The following CSMD3 variants were observed in gnomAD, a reference collection of about 807,000 sequenced individuals.
The protein encoded by CSMD3 is CUB and Sushi multiple domains 3, also known as CUB and sushi domain-containing protein 3.
CSMD3 carries 177 observed loss-of-function variants against 435.2 expected under a neutral mutation model. That is an observed-to-expected ratio of 0.41 (90% CI 0.36 to 0.46). The LOEUF is 0.46. CSMD3 is among the 20% of genes least tolerant of loss of function. The pLI is 0.34. For missense variants in CSMD3, 4,265 were observed against 4,504.6 expected, an observed-to-expected ratio of 0.95 and a Z score of 1.52; for synonymous variants, 1,656 against 1,520.5, an observed-to-expected ratio of 1.09 and a Z score of -2.07.
In CSMD3 at chr8:112,963,085, A is replaced by C. The variant is rs75516893; in HGVS notation, c.1343-8324T>G. ...CAGCAGGCGGATGAAGGGAGGGAGGAAAGTAAGACCAGAATTTTTATTCCA... is the reference window on the plus strand; with the variant it reads ...CAGCAGGCGGATGAAGGGAGGGAGGCAAGTAAGACCAGAATTTTTATTCCA... On this transcript the variant is annotated intron_variant, in intron 7 of 70. Coordinates refer to ENST00000297405, the MANE Select transcript of CSMD3 (RefSeq NM_198123.2). 1.8e-4 allele frequency among the ~76,000 whole-genome samples: 27 copies of C among 152,054 alleles called. No individual in the cohort carries two copies. In the East Asian group the frequency reaches 5.2e-3, roughly 29 times the overall value.
rs78427053 is a variant in CSMD3 at position 112,938,905 on chromosome 8, G to T, written c.1508+8885C>A. ...TTACTGCTAAGTATAGGAACTTCTG[G>T]TATGTGAGTTTACTCATTAGTAAAA... On this transcript the variant is annotated intron_variant, in intron 9 of 70. Transcript: ENST00000297405. Among the ~76,000 whole-genome samples the T allele has an allele frequency of 1.7e-3, 266 of 152,118 alleles. 1 individual carries two copies. Among genetic ancestry groups the T allele is most frequent in the African/African-American group, 6.2e-3 (256 of 41,512 alleles).
chr8:113,089,464 A>C lies in CSMD3; in HGVS notation c.917+9292T>G, dbSNP rs191203476. ...ATATTATCTAAGACATAGAGTTAAC[A>C]ATACATTGAATAATGACACGTCATC... On this transcript the variant is annotated intron_variant, in intron 5 of 70. Transcript: ENST00000297405. Among the ~76,000 whole-genome samples, 3 of 152,310 alleles carry C rather than the reference A, an allele frequency of 2.0e-5. No homozygotes were observed. The East Asian group carries it at 5.8e-4, about 29-fold the overall frequency.
In CSMD3 at chr8:112,858,139, G is replaced by C. The variant is rs187211363; in HGVS notation, c.1755+1006C>G. ...ATTAGGTTTCAAGAACTTGATAAGT[G>C]ATCACAAAAATTCCCGGGAGGCAAT... is the stretch of plus-strand genomic sequence containing the variant. On this transcript the variant is annotated intron_variant, in intron 11 of 70. Transcript: ENST00000297405. Among the ~76,000 whole-genome samples the C allele has an allele frequency of 9.9e-5, 15 of 151,674 alleles. No individual in the cohort carries two copies. In the East Asian group the frequency reaches 1.6e-3, roughly 16 times the overall value.
chr8:113,055,496 A>G (rs1347353187), intron 5 of CSMD3, among the ~76,000 whole-genome samples: 1 of 152,160 alleles, frequency 6.6e-6, no homozygotes, highest in Non-Finnish European at 1.5e-5. Flanking sequence ...TACCCAAGTG[A>G]TCTCAACAAG....
intron 27 of CSMD3, among the ~76,000 whole-genome samples, chr8:112,525,071 C>A (rs1192327080): frequency 6.6e-6 from 1 of 151,710 alleles, no homozygotes; most frequent in Non-Finnish European, 1.5e-5. Flanking sequence ...AAAATTTCCT[C>A]TTTGTAAGTG....
chr8:112,331,754 G>A (rs1164382676), intron 45 of CSMD3, among the ~76,000 whole-genome samples: 3 of 151,898 alleles, frequency 2.0e-5, no homozygotes, highest in African/African-American at 7.2e-5. Flanking sequence ...AAGTCTAAGA[G>A]GATATAAAGA....
At chr8:112,374,741 A>C (rs544449235) in intron 38 of CSMD3, among the ~76,000 whole-genome samples, 10 of 152,312 alleles carry the variant, frequency 6.6e-5, no homozygotes, top group African/African-American at 2.4e-4. Flanking sequence ...TGCTTTAAAA[A>C]GTTGCTGATT....
rs751253012 is a variant in CSMD3 at position 113,348,489 on chromosome 8, T to C, written c.179-33696A>G. ...TTCCAAATGCAAAGATGCCTCTCTTTACTAGGAAACCCAGCTTTGAGAAGC... is the reference window on the plus strand; with the variant it reads ...TTCCAAATGCAAAGATGCCTCTCTTCACTAGGAAACCCAGCTTTGAGAAGC... On this transcript the variant is annotated intron_variant, in intron 1 of 70. Coordinates refer to ENST00000297405, the MANE Select transcript of CSMD3 (RefSeq NM_198123.2). 9.9e-5 allele frequency among the ~76,000 whole-genome samples: 15 copies of C among 152,088 alleles called. 1 individual carries two copies. Among genetic ancestry groups the C allele is most frequent in the Non-Finnish European group, 1.9e-4 (13 of 68,012 alleles).
intron 1 of CSMD3, among the ~76,000 whole-genome samples, chr8:113,321,195 C>T (rs2093947132): frequency 1.3e-5 from 2 of 152,090 alleles, no homozygotes; most frequent in African/African-American, 4.8e-5. Context: ...CTTGTCACTT[C>T]CTTATTCAAT....
chr8:112,782,248 T>C (rs2194599), intron 13 of CSMD3, among the ~76,000 whole-genome samples: 40,888 of 151,866 alleles, frequency 0.27, 5,617 homozygotes, highest in East Asian at 0.36. Context: ...GATTAAAATA[T>C]CTTTAGTAAT....
At chr8:112,431,828 T>C (rs1048522334) in intron 32 of CSMD3, among the ~76,000 whole-genome samples, 4 of 152,120 alleles carry the variant, frequency 2.6e-5, no homozygotes, top group African/African-American at 7.2e-5. Context: ...CAAGCACAAA[T>C]ATACCAAAAA....
intron 38 of CSMD3, among the ~76,000 whole-genome samples, chr8:112,379,205 C>T (rs985009402): frequency 6.6e-6 from 1 of 152,198 alleles, no homozygotes; most frequent in African/African-American, 2.4e-5. Flanking sequence ...CGTGGTGGCT[C>T]ACGCCTGTAA....
At chr8:113,297,572 A>C (rs2132563312) in intron 2 of CSMD3, among the ~76,000 whole-genome samples, 1 of 152,162 alleles carries the variant, frequency 6.6e-6, no homozygotes, top group African/African-American at 2.4e-5. Context: ...TTTTATTTAA[A>C]CTAGTAGTCA....
rs3047126 is a variant in CSMD3, at chr8:112,827,164, AATATATAT to A, written c.1859+2514_1859+2521del. Among the ~76,000 whole-genome samples the A allele has an allele frequency of 7.6e-3, 627 of 82,804 alleles. 11 individuals carry two copies. The highest frequency in any genetic ancestry group is 0.023 in the African/African-American group (491 of 21,432). 54.3% of individuals were successfully genotyped at this position (82,804 alleles called of 152,430 possible). ...TTCTGTATTTTACTAGGTTACCATA[AATATATAT>A]ATATATATATATATATATATATATA... On this transcript the variant is annotated intron_variant, in intron 12 of 70. Transcript: ENST00000297405.
At chr8:112,673,719 T>C (rs1382829442) in intron 16 of CSMD3, among the ~76,000 whole-genome samples, 1 of 152,058 alleles carries the variant, frequency 6.6e-6, no homozygotes, top group African/African-American at 2.4e-5. Flanking sequence ...AAAGGGAAAG[T>C]TCATCAGGCA....
chr8:112,784,204 A>T (rs1297939529), intron 13 of CSMD3, among the ~76,000 whole-genome samples: 3 of 152,092 alleles, frequency 2.0e-5, no homozygotes, highest in Non-Finnish European at 4.4e-5. Flanking sequence ...AATGAAATTA[A>T]GAAGGAAATT....
intron 9 of CSMD3, among the ~76,000 whole-genome samples, chr8:112,924,520 G>A (rs1220497893): frequency 6.6e-6 from 1 of 151,946 alleles, no homozygotes; most frequent in Non-Finnish European, 1.5e-5. Flanking sequence ...AGTAATAAAT[G>A]ACATCTTGTT....
chr8:112,860,510 T>G (rs1387566444), intron 10 of CSMD3, among the ~76,000 whole-genome samples: 1 of 151,826 alleles, frequency 6.6e-6, no homozygotes, highest in East Asian at 1.9e-4. Flanking sequence ...CTATGCTCAC[T>G]ACTCCATTTT....
intron 3 of CSMD3, among the ~76,000 whole-genome samples, chr8:113,199,891 C>G (rs948567783): frequency 6.6e-6 from 1 of 151,860 alleles, no homozygotes; most frequent in Non-Finnish European, 1.5e-5. Flanking sequence ...CTTCCCATTG[C>G]TGGAGCTGCT....
Sources: gnomAD v4.1 joint callset for allele counts (sites outside exome capture counted in the v4.1 genomes callset) on GRCh38, gnomAD v4.1.1 for gene constraint, MANE v1.5 for transcripts, NCBI Gene and HGNC (gene_info 2026-07-23, HGNC 2026-07-21) for gene names.